TTLL5: variants seen among roughly 807,000 people sequenced by gnomAD.
The protein encoded by TTLL5 is tubulin polyglutamylase TTLL5.
Under a neutral mutation model 168.4 loss-of-function variants are expected in TTLL5, and 132 were observed. The observed-to-expected ratio is 0.78, with a 90% CI of 0.68 to 0.91. TTLL5 has a LOEUF of 0.91. Among genes scored for constraint, TTLL5 ranks in the 40% least tolerant of loss-of-function variants. TTLL5 has a pLI of 0.00. For synonymous variants in TTLL5, 546 were observed against 558.6 expected (o/e 0.98, Z 0.32); for missense variants, 1,545 against 1,581.5 (o/e 0.98, Z 0.39).
At chr14:75,859,162 T>C (rs566666382) in intron 28 of TTLL5, among the ~76,000 whole-genome samples, 6 of 152,334 alleles carry the variant, frequency 3.9e-5, no homozygotes, top group Admixed American at 2.6e-4. Flanking sequence ...GCAACTTCCA[T>C]TGAGATTTTG....
At chr14:75,714,751 C>T (rs1258223968) in intron 9 of TTLL5, among the ~76,000 whole-genome samples, 2 of 152,110 alleles carry the variant, frequency 1.3e-5, no homozygotes, top group Non-Finnish European at 2.9e-5. Context: ...TCTATTCTAT[C>T]CCTGGAATCA....
chr14:75,916,187 A>T (rs1017331131), intron 31 of TTLL5, among the ~76,000 whole-genome samples: 5 of 133,292 alleles, frequency 3.8e-5, no homozygotes, highest in African/African-American at 1.1e-4. Flanking sequence ...GAAGGAAAGA[A>T]GGGAAGGAAG....
chr14:75,676,224 T>A (rs763678828), intron 3 of TTLL5, among the ~76,000 whole-genome samples: 1 of 152,216 alleles, frequency 6.6e-6, no homozygotes. Flanking sequence ...CAGACACCTA[T>A]AAATGACATT....
intron 29 of TTLL5, among the ~76,000 whole-genome samples, chr14:75,875,357 C>T (rs1020914139): frequency 1.4e-5 from 2 of 146,658 alleles, no homozygotes; most frequent in African/African-American, 4.9e-5. Flanking sequence ...TCCTGGCCAA[C>T]ACGGTGAAAC....
At chr14:75,853,361 T>A (rs1896972878) in intron 28 of TTLL5, among the ~76,000 whole-genome samples, 1 of 152,192 alleles carries the variant, frequency 6.6e-6, no homozygotes, top group South Asian at 2.1e-4. Flanking sequence ...TACCACCTAT[T>A]CCAGAGTCCT....
intron 20 of TTLL5, among the ~76,000 whole-genome samples, chr14:75,771,072 T>G (rs1479433829): frequency 6.6e-6 from 1 of 152,164 alleles, no homozygotes; most frequent in Non-Finnish European, 1.5e-5. Flanking sequence ...ATTAATACAG[T>G]GGTTTTTGTG....
intron 9 of TTLL5, chr14:75,709,520 T>G (rs1886906304): frequency 3.5e-6 from 1 of 284,056 alleles, no homozygotes. Context: ...CCTTGAAAAT[T>G]GAGAAAGGGA....
chr14:75,751,625 T>C (rs150021749), intron 17 of TTLL5, among the ~76,000 whole-genome samples: 1,894 of 152,312 alleles, frequency 0.012, 17 homozygotes, highest in South Asian at 0.026. Context: ...ATATTTTCAG[T>C]CTTTCGTTCA....
intron 31 of TTLL5, among the ~76,000 whole-genome samples, chr14:75,923,888 T>C (rs1414183196): frequency 6.6e-6 from 1 of 152,240 alleles, no homozygotes; most frequent in African/African-American, 2.4e-5. Flanking sequence ...ATCTGGGTCC[T>C]CCTATATTGG....
At chr14:75,911,450 A>C (rs1436287649) in intron 31 of TTLL5, among the ~76,000 whole-genome samples, 1 of 152,204 alleles carries the variant, frequency 6.6e-6, no homozygotes, top group Non-Finnish European at 1.5e-5. Context: ...TTAGAAAACC[A>C]ACCTGATTTT....
chr14:75,888,351 C>T (rs9919886), intron 30 of TTLL5, among the ~76,000 whole-genome samples: 134,449 of 152,272 alleles, frequency 0.88, 59,465 homozygotes, highest in South Asian at 0.92. Context: ...AATTAAAATC[C>T]GACTTCTCAT....
intron 15 of TTLL5, among the ~76,000 whole-genome samples, chr14:75,738,814 T>TA (rs1006085279): frequency 2.0e-5 from 3 of 152,116 alleles, no homozygotes; most frequent in Non-Finnish European, 4.4e-5. Flanking sequence ...TATTTTTACT[T>TA]ACTTATTTGA....
Position 75,707,737 on chromosome 14 carries a change from G to T in TTLL5, c.740+30G>T, listed in dbSNP as rs200449283. On this transcript the variant is annotated intron_variant, in intron 9 of 31. Transcript: ENST00000298832. ...GAAGCTGTTTGGGGGTGAAGGGGTT[G>T]GGTGGGTATATTAAGGGTGGGTATA... 12 of 1,568,078 alleles carry T rather than the reference G, an allele frequency of 7.7e-6. No individual in the cohort carries two copies. In the African/African-American group the frequency reaches 1.4e-4, roughly 18 times the overall value.
chr14:75,732,133 T>C lies in TTLL5; in HGVS notation c.1043-205T>C, dbSNP rs530611880. 5 of 512,752 alleles carry C rather than the reference T, an allele frequency of 9.8e-6. No homozygotes were observed. In the African/African-American group the frequency reaches 9.9e-5, roughly 10 times the overall value. The allele number at this position is 512,752 out of a possible 1,614,324, so 31.8% of individuals were successfully genotyped here. A position where few individuals can be genotyped will look rare whatever the true frequency, so the allele number is the denominator to read the frequency against. ...GCATGATAAAAACAGTGGAATTTTA[T>C]AGCATTGTTTTCTTATTCCTAGAAC... On this transcript the variant is annotated intron_variant, in intron 12 of 31. Coordinates refer to ENST00000298832, the MANE Select transcript of TTLL5 (RefSeq NM_015072.5).
Position 75,783,428 on chromosome 14 carries a change from C to T in TTLL5, c.2884C>T (p.Arg962Cys), listed in dbSNP as rs148989305. Residue 962 changes from arginine to cysteine, a missense_variant, in exon 26 of 32, where the codon CGC becomes TGC. By Grantham distance (180) the Arg-to-Cys change is radical. Coordinates refer to ENST00000298832, the MANE Select transcript of TTLL5 (RefSeq NM_015072.5). ...CATCCCAAGCCCTACTGGCCTGCCACGCTGTCGATCAGGAAGTCACACCAT... is the reference window on the plus strand; with the variant it reads ...CATCCCAAGCCCTACTGGCCTGCCATGCTGTCGATCAGGAAGTCACACCAT... ...QNIPSPTGLP[R>C]CRSGSHTIGP... is the part of the protein sequence containing the mutation. 1.1e-5 allele frequency: 17 copies of T among 1,614,086 alleles called. No homozygotes were observed. The highest frequency in any genetic ancestry group is 4.5e-5 in the East Asian group (2 of 44,890).
At chr14:75,863,451 G>A (rs1362563772) in intron 28 of TTLL5, among the ~76,000 whole-genome samples, 4 of 152,214 alleles carry the variant, frequency 2.6e-5, no homozygotes, top group East Asian at 1.9e-4. Context: ...CTTATGATAC[G>A]TGCTAGGAAA....
In TTLL5 at chr14:75,925,109, C is replaced by A. The variant is rs556584383; in HGVS notation, c.3823+22885C>A. 2.2e-4 allele frequency among the ~76,000 whole-genome samples: 33 copies of A among 148,376 alleles called. 1 individual carries two copies. The South Asian group carries it at 5.4e-3, about 24-fold the overall frequency. ...GGGGGCTGACCCCCCAACCTCCCTC[C>A]CGGACGGGGCGGCTGGCCGGGCGGG... On this transcript the variant is annotated intron_variant, in intron 31 of 31. Coordinates refer to ENST00000298832, the MANE Select transcript of TTLL5 (RefSeq NM_015072.5).
At chr14:75,712,191 T>A (rs1031014515) in intron 9 of TTLL5, 1 of 151,946 alleles carries the variant, frequency 6.6e-6, no homozygotes, top group African/African-American at 2.4e-5. Context: ...GGCCTCTTGT[T>A]CTCTTCCATA....
chr14:75,946,149 T>A (rs1328725671), intron 31 of TTLL5, among the ~76,000 whole-genome samples: 1 of 152,110 alleles, frequency 6.6e-6, no homozygotes, highest in African/African-American at 2.4e-5. Context: ...GCAGGAGGAA[T>A]TGGGGGCAAC....
Sources: gnomAD v4.1 joint callset for allele counts (sites outside exome capture counted in the v4.1 genomes callset) on GRCh38, gnomAD v4.1.1 for gene constraint, MANE v1.5 for transcripts, NCBI Gene and HGNC (gene_info 2026-07-23, HGNC 2026-07-21) for gene names.